Variants in RPH3A observed in about 807,000 individuals in gnomAD.
RPH3A encodes rabphilin 3A.
A neutral mutation model predicts 102.2 loss-of-function variants in RPH3A; 48 were observed. That is an observed-to-expected ratio of 0.47 (90% CI 0.37 to 0.60). The LOEUF (loss-of-function observed/expected upper bound fraction) is 0.60, where lower values mean the gene tolerates loss of function less well. Among genes scored for constraint, RPH3A ranks in the 20% least tolerant of loss-of-function variants. The pLI is 0.00. For missense variants in RPH3A, 781 were observed against 910.1 expected, an observed-to-expected ratio of 0.86 and a Z score of 1.83; for synonymous variants, 310 against 324.3, an observed-to-expected ratio of 0.96 and a Z score of 0.47.
chr12:112,891,840 G>C (rs1565947721), intron 19 of RPH3A, among the ~76,000 whole-genome samples: 1 of 152,232 alleles, frequency 6.6e-6, no homozygotes, highest in Admixed American at 6.5e-5. Flanking sequence ...GCCTTGGTCA[G>C]TTACGCTTCC....
chr12:112,895,712 T>C, intron 20 of RPH3A, 65 bp from the exon 21 acceptor site: 1 of 1,201,616 alleles, frequency 8.3e-7, no homozygotes, highest in Non-Finnish European at 1.2e-6. Context: ...GGACTCGGCC[T>C]CTTACCTCCC....
chr12:112,747,199 A>G (rs976088099), intron 1 of RPH3A, among the ~76,000 whole-genome samples: 3 of 152,122 alleles, frequency 2.0e-5, no homozygotes, highest in Admixed American at 1.3e-4. Flanking sequence ...CTAACCTTCA[A>G]GGTTATGGTG....
At chr12:112,757,222 T>C (rs2040827966) in intron 1 of RPH3A, among the ~76,000 whole-genome samples, 1 of 152,238 alleles carries the variant, frequency 6.6e-6, no homozygotes, top group South Asian at 2.1e-4. Context: ...AGATTTGACA[T>C]GGCTGTGGCT....
At position 112,704,905 on chromosome 12, in the gene RPH3A, G is replaced by A. The variant is rs1460438309; in HGVS notation, c.-139-87238G>A. Reference sequence around the variant, plus strand: ...TTGCAATAATTATATCTTTTAAATGGGTCGTGCTAACAATCTGGAGATTAA... The same window carrying A: ...TTGCAATAATTATATCTTTTAAATGAGTCGTGCTAACAATCTGGAGATTAA... On this transcript the variant is annotated intron_variant, in intron 1 of 21. Coordinates refer to the RPH3A transcript ENST00000543106. 7.2e-5 allele frequency among the ~76,000 whole-genome samples: 11 copies of A among 152,238 alleles called. 1 individual carries two copies. The South Asian group carries it at 2.1e-3, about 29-fold the overall frequency.
chr12:112,841,892 T>TTCTC (rs146515197), intron 4 of RPH3A: 3 of 451,558 alleles, frequency 6.6e-6, no homozygotes, highest in East Asian at 7.0e-5. Context: ...CTCTCTCTCC[T>TTCTC]TCTCTCTCTC....
intron 1 of RPH3A, among the ~76,000 whole-genome samples, chr12:112,597,272 A>T (rs1247470775): frequency 6.6e-6 from 1 of 152,166 alleles, no homozygotes; most frequent in Admixed American, 6.5e-5. Context: ...TCAATGTATT[A>T]TTTGTGTAGT....
intron 1 of RPH3A, among the ~76,000 whole-genome samples, chr12:112,667,910 A>G (rs1176456286): frequency 6.6e-6 from 1 of 152,136 alleles, no homozygotes; most frequent in Non-Finnish European, 1.5e-5. Context: ...CTGAGAAGGA[A>G]CTAATAAAAT....
intron 1 of RPH3A, among the ~76,000 whole-genome samples, chr12:112,738,776 C>G (rs2040687076): frequency 6.6e-6 from 1 of 152,152 alleles, no homozygotes; most frequent in Non-Finnish European, 1.5e-5. Flanking sequence ...AACTTGTGCC[C>G]ATATCATACA....
intron 1 of RPH3A, among the ~76,000 whole-genome samples, chr12:112,662,721 T>C (rs2136004080): frequency 6.6e-6 from 1 of 150,460 alleles, no homozygotes; most frequent in Middle Eastern, 3.4e-3. Flanking sequence ...ATAGACAATA[T>C]ATAACTGAAT....
intron 3 of RPH3A, among the ~76,000 whole-genome samples, chr12:112,834,013 C>T (rs976633819): frequency 1.2e-4 from 19 of 152,132 alleles, no homozygotes; most frequent in African/African-American, 4.3e-4. Flanking sequence ...ATGGCATGAG[C>T]CACCATCAGC....
intron 3 of RPH3A, chr12:112,831,614 T>C: frequency 3.6e-6 from 1 of 274,786 alleles, no homozygotes; most frequent in South Asian, 3.4e-5. Context: ...CAAATCTTCC[T>C]GAATCTTGGT....
At chr12:112,834,665 T>C (rs1446204890) in intron 3 of RPH3A, among the ~76,000 whole-genome samples, 1 of 152,224 alleles carries the variant, frequency 6.6e-6, no homozygotes, top group African/African-American at 2.4e-5. Context: ...TATTTCATTG[T>C]GGTTTTAATT....
intron 1 of RPH3A, among the ~76,000 whole-genome samples, chr12:112,587,172 TC>T (rs1322684757): frequency 6.6e-6 from 1 of 152,220 alleles, no homozygotes; most frequent in African/African-American, 2.4e-5. Context: ...AAGTCAAAAA[TC>T]CCTTCTGATT....
At chr12:112,602,757 T>TA (rs2039568429) in intron 1 of RPH3A, among the ~76,000 whole-genome samples, 1 of 151,638 alleles carries the variant, frequency 6.6e-6, no homozygotes, top group South Asian at 2.1e-4. Flanking sequence ...ACCACTGCAC[T>TA]CCAGCCTGGG....
chr12:112,809,743 C>A (rs2041535881), intron 2 of RPH3A, among the ~76,000 whole-genome samples: 1 of 152,152 alleles, frequency 6.6e-6, no homozygotes, highest in Non-Finnish European at 1.5e-5. Context: ...AGGGACAGAG[C>A]CAGGACTAGC....
At chr12:112,751,097 T>C (rs767866125) in intron 1 of RPH3A, among the ~76,000 whole-genome samples, 7 of 152,228 alleles carry the variant, frequency 4.6e-5, no homozygotes, top group Non-Finnish European at 8.8e-5. Flanking sequence ...CTTAGGACTT[T>C]TGGTTATTTG....
At chr12:112,838,002 T>C (rs1375113701) in intron 4 of RPH3A, among the ~76,000 whole-genome samples, 1 of 151,904 alleles carries the variant, frequency 6.6e-6, no homozygotes, top group Non-Finnish European at 1.5e-5. Context: ...GTTAGCCAAG[T>C]ATAAAGATAT....
intron 1 of RPH3A, among the ~76,000 whole-genome samples, chr12:112,613,761 A>C (rs933135070): frequency 1.3e-5 from 2 of 152,178 alleles, no homozygotes; most frequent in African/African-American, 4.8e-5. Flanking sequence ...CAGGCTGGAC[A>C]ACATAGCAAG....
chr12:112,817,547 C>CGTGTGT (rs145135682), intron 2 of RPH3A, among the ~76,000 whole-genome samples: 1 of 148,916 alleles, frequency 6.7e-6, no homozygotes, highest in African/African-American at 2.5e-5. Context: ...GAAATGCACA[C>CGTGTGT]GTGTGTGTGT....
Sources: allele counts gnomAD v4.1 joint callset (sites outside exome capture counted in the v4.1 genomes callset), GRCh38; gene constraint gnomAD v4.1.1; transcripts MANE v1.5; gene names NCBI Gene and HGNC (gene_info 2026-07-23, HGNC 2026-07-21).